Variants in RPH3A observed in about 807,000 individuals in gnomAD.
RPH3A encodes the protein rabphilin-3A.
Under a neutral mutation model 102.2 loss-of-function variants are expected in RPH3A, and 48 were observed. The ratio of observed to expected loss-of-function variants is 0.47; its 90% CI spans 0.37 to 0.60. RPH3A has a LOEUF of 0.60. Among genes scored for constraint, RPH3A ranks in the 20% least tolerant of loss-of-function variants. RPH3A has a pLI of 0.00. For synonymous variants in RPH3A, 310 were observed against 324.3 expected, an observed-to-expected ratio of 0.96 and a Z score of 0.47; for missense variants, 781 against 910.1, an observed-to-expected ratio of 0.86 and a Z score of 1.83.
At chr12:112,588,987 G>T (rs1485303022) in intron 1 of RPH3A, among the ~76,000 whole-genome samples, 1 of 152,126 alleles carries the variant, frequency 6.6e-6, no homozygotes, top group African/African-American at 2.4e-5. Flanking sequence ...TAAATTAGGG[G>T]AGGAGAAAGG....
intron 5 of RPH3A, among the ~76,000 whole-genome samples, chr12:112,848,418 C>A (rs1218982544): frequency 4.6e-5 from 7 of 152,180 alleles, no homozygotes; most frequent in Non-Finnish European, 1.5e-5. Flanking sequence ...CAGAGGTTAA[C>A]CTGATGGGTC....
intron 1 of RPH3A, among the ~76,000 whole-genome samples, chr12:112,634,954 T>C (rs2039838059): frequency 6.6e-6 from 1 of 152,242 alleles, no homozygotes; most frequent in African/African-American, 2.4e-5. Flanking sequence ...ATTTTTTTCC[T>C]CTTCCTTTCT....
intron 1 of RPH3A, among the ~76,000 whole-genome samples, chr12:112,576,096 C>T (rs1281501605): frequency 1.3e-5 from 2 of 152,188 alleles, no homozygotes; most frequent in South Asian, 2.1e-4. Flanking sequence ...CCTGAACTTG[C>T]TACTTGTGAT....
chr12:112,712,729 T>G (rs1041875519), intron 1 of RPH3A, among the ~76,000 whole-genome samples: 4 of 151,950 alleles, frequency 2.6e-5, no homozygotes, highest in African/African-American at 9.7e-5. Context: ...GTTTTGTTTT[T>G]GAGACAGGGT....
chr12:112,668,078 T>A (rs1288186833), intron 1 of RPH3A, among the ~76,000 whole-genome samples: 2 of 152,156 alleles, frequency 1.3e-5, no homozygotes, highest in Non-Finnish European at 2.9e-5. Context: ...ATGGCTTCAT[T>A]CATAGCCCCA....
chr12:112,713,564 G>GC (rs2040495166), intron 1 of RPH3A, among the ~76,000 whole-genome samples: 2 of 128,150 alleles, frequency 1.6e-5, no homozygotes, highest in African/African-American at 2.9e-5. Flanking sequence ...AAGATTTGCA[G>GC]GAAAAAAAAA....
intron 1 of RPH3A, among the ~76,000 whole-genome samples, chr12:112,698,969 A>G (rs1227328016): frequency 2.4e-5 from 3 of 127,644 alleles, no homozygotes; most frequent in African/African-American, 9.0e-5. Flanking sequence ...TCTGTTGCCC[A>G]GGATGCAGTG....
intron 3 of RPH3A, among the ~76,000 whole-genome samples, chr12:112,832,557 A>G (rs1268922337): frequency 5.3e-5 from 8 of 152,218 alleles, no homozygotes; most frequent in Admixed American, 1.3e-4. Context: ...TAAGATATAT[A>G]TTAGCCAGGA....
At chr12:112,829,277 T>G (rs375640655) in intron 3 of RPH3A, among the ~76,000 whole-genome samples, 97 of 152,192 alleles carry the variant, frequency 6.4e-4, no homozygotes, top group African/African-American at 2.1e-3. Context: ...CTTTTTTTTT[T>G]TCTTTTTTTT....
At position 112,876,630 on chromosome 12, in the gene RPH3A, A is replaced by T. The variant is rs990251356; in HGVS notation, c.947-12A>T. 7 of 1,576,134 alleles carry T rather than the reference A, an allele frequency of 4.4e-6. No individual in the cohort carries two copies. Among genetic ancestry groups the T allele is most frequent in the Middle Eastern group, 1.9e-4 (1 of 5,226 alleles). On this transcript the variant is annotated splice_polypyrimidine_tract_variant and intron_variant, in intron 12 of 21. Transcript: ENST00000389385. ...ATGCAGCTGCATGTTTCCTGTCCTT[A>T]TCTCCCTGCAGAGGTGGCTCCGAGC...
chr12:112,781,610 T>A (rs1408777565), intron 1 of RPH3A, among the ~76,000 whole-genome samples: 1 of 152,222 alleles, frequency 6.6e-6, no homozygotes, highest in Non-Finnish European at 1.5e-5. Context: ...AGTGAGCTAT[T>A]GGCGTTGGCC....
chr12:112,648,596 A>AAAAAAAAAAAAAAAAC, intron 1 of RPH3A, among the ~76,000 whole-genome samples: 1 of 140,800 alleles, frequency 7.1e-6, no homozygotes, highest in Non-Finnish European at 1.5e-5. Context: ...AAAAAAAAAA[A>AAAAAAAAAAAAAAAAC]AAGCTAGGTG....
intron 3 of RPH3A, among the ~76,000 whole-genome samples, chr12:112,833,865 G>A (rs1366242509): frequency 1.3e-5 from 2 of 152,048 alleles, no homozygotes; most frequent in Non-Finnish European, 2.9e-5. Flanking sequence ...GAGAACCTGG[G>A]ACTGTGGGTG....
intron 1 of RPH3A, among the ~76,000 whole-genome samples, chr12:112,732,458 T>G (rs1170029811): frequency 6.6e-6 from 1 of 152,212 alleles, no homozygotes; most frequent in Non-Finnish European, 1.5e-5. Flanking sequence ...GTAGTGAGAA[T>G]TTGATGAGTC....
chr12:112,855,465 C>G (rs999529484), intron 5 of RPH3A, among the ~76,000 whole-genome samples: 2 of 152,180 alleles, frequency 1.3e-5, no homozygotes, highest in African/African-American at 2.4e-5. Flanking sequence ...GCTCCCTCGT[C>G]TCCGACTCTG....
intron 19 of RPH3A, 70 bp downstream of exon 19, chr12:112,891,073 A>C: frequency 6.4e-7 from 1 of 1,563,328 alleles, no homozygotes; most frequent in Non-Finnish European, 8.7e-7. Flanking sequence ...GGAGAACCAG[A>C]CAGTTTCACC....
chr12:112,612,229 G>A (rs2039644483), intron 1 of RPH3A, among the ~76,000 whole-genome samples: 1 of 152,208 alleles, frequency 6.6e-6, no homozygotes, highest in South Asian at 2.1e-4. Context: ...AGCCTTTACT[G>A]CATTTGCAGT....
intron 1 of RPH3A, among the ~76,000 whole-genome samples, chr12:112,668,316 A>G (rs2040101770): frequency 1.3e-5 from 2 of 152,212 alleles, no homozygotes; most frequent in South Asian, 4.1e-4. Flanking sequence ...TGATCTATAA[A>G]GAGCTCTTAG....
At chr12:112,739,631 T>C (rs2040694247) in intron 1 of RPH3A, among the ~76,000 whole-genome samples, 1 of 152,192 alleles carries the variant, frequency 6.6e-6, no homozygotes, top group Non-Finnish European at 1.5e-5. Context: ...TAGACCTGGG[T>C]TCAAATTCTG....
Sources: gnomAD v4.1 joint callset for allele counts (sites outside exome capture counted in the v4.1 genomes callset) on GRCh38, gnomAD v4.1.1 for gene constraint, MANE v1.5 for transcripts, NCBI Gene and HGNC (gene_info 2026-07-23, HGNC 2026-07-21) for gene names.